The following KIAA1958 variants were observed in gnomAD, a reference collection of about 807,000 sequenced individuals.
The protein encoded by KIAA1958 is uncharacterized protein KIAA1958.
In KIAA1958, 14 loss-of-function variants were observed where a neutral mutation model predicts 47.2. The observed-to-expected ratio is 0.30, with a 90% CI of 0.20 to 0.46. The LOEUF is 0.46. Ranked by LOEUF, KIAA1958 falls within the 20% of genes least tolerant of loss-of-function variation. KIAA1958 has a pLI of 1.00. For missense variants in KIAA1958, 803 were observed against 909.2 expected (o/e 0.88, Z 1.50); for synonymous variants, 354 against 353.3 (o/e 1.00, Z -0.02).
intron 2 of KIAA1958, among the ~76,000 whole-genome samples, chr9:112,616,929 A>AT (rs1236115306): frequency 6.6e-6 from 1 of 152,246 alleles, no homozygotes; most frequent in Non-Finnish European, 1.5e-5. Flanking sequence ...GAACACAGAG[A>AT]TGCTGGTTAA....
At chr9:112,641,512 T>C (rs753827187) in intron 2 of KIAA1958, among the ~76,000 whole-genome samples, 1 of 151,900 alleles carries the variant, frequency 6.6e-6, no homozygotes, top group Non-Finnish European at 1.5e-5. Context: ...TACGTGTATG[T>C]CTTCTTTCAG....
chr9:112,518,226 AAG>A (rs1407560275), intron 1 of KIAA1958, among the ~76,000 whole-genome samples: 1 of 152,250 alleles, frequency 6.6e-6, no homozygotes, highest in African/African-American at 2.4e-5. Context: ...TAATTAAAAA[AAG>A]AAAAAGGAAA....
At chr9:112,493,841 T>C (rs1042363954) in intron 1 of KIAA1958, among the ~76,000 whole-genome samples, 6 of 152,252 alleles carry the variant, frequency 3.9e-5, no homozygotes, top group African/African-American at 1.4e-4. Flanking sequence ...TCTTTAAAAA[T>C]GTTACTCTCT....
chr9:112,596,182 A>G (rs1517078), intron 2 of KIAA1958, among the ~76,000 whole-genome samples: 32,724 of 152,192 alleles, frequency 0.22, 4,063 homozygotes, highest in Middle Eastern at 0.37. Context: ...TTTTTAAAAT[A>G]ACTCAATTAT....
chr9:112,582,053 G>A (rs1026487733), intron 2 of KIAA1958: 8 of 214,334 alleles, frequency 3.7e-5, no homozygotes, highest in Admixed American at 8.9e-5. Flanking sequence ...CCGCTTCAGC[G>A]CTGGGAAGGC....
intron 1 of KIAA1958, among the ~76,000 whole-genome samples, chr9:112,565,982 CA>C (rs1367291868): frequency 1.3e-5 from 2 of 152,226 alleles, no homozygotes; most frequent in African/African-American, 4.8e-5. Flanking sequence ...CAGCTCACTG[CA>C]AGCTCCGCCT....
At chr9:112,579,042 T>A (rs2593682) in intron 2 of KIAA1958, among the ~76,000 whole-genome samples, 145,085 of 151,866 alleles carry the variant, frequency 0.96, 69,381 homozygotes, top group African/African-American at 0.99. Context: ...TTAAAAAAAT[T>A]TATTTATCTT....
At chr9:112,533,580 CA>C (rs57032014) in intron 1 of KIAA1958, among the ~76,000 whole-genome samples, 11 of 125,418 alleles carry the variant, frequency 8.8e-5, no homozygotes, top group Non-Finnish European at 1.6e-4. Flanking sequence ...GACTCCATCC[CA>C]AAAAAAAAAA....
At chr9:112,564,526 A>G (rs1475076004) in intron 1 of KIAA1958, among the ~76,000 whole-genome samples, 1 of 152,188 alleles carries the variant, frequency 6.6e-6, no homozygotes, top group Non-Finnish European at 1.5e-5. Flanking sequence ...TAATTTTGTC[A>G]TCTTTTGAAA....
At chr9:112,509,361 C>T (rs939196965) in intron 1 of KIAA1958, among the ~76,000 whole-genome samples, 7 of 151,988 alleles carry the variant, frequency 4.6e-5, no homozygotes, top group African/African-American at 1.2e-4. Context: ...CCACCATGCC[C>T]GGCTAATTTT....
In KIAA1958 at chr9:112,529,357, C is replaced by T. The variant is rs566393696; in HGVS notation, c.-25+42239C>T. Among the ~76,000 whole-genome samples, 9 of 152,314 alleles carry T rather than the reference C, an allele frequency of 5.9e-5. No homozygotes were observed. The East Asian group carries it at 1.7e-3, about 29-fold the overall frequency. ...ACCGATATTGACACATTATTATTAG[C>T]TGAAGTCCATACTTTATTTGAATTT... On this transcript the variant is annotated intron_variant, in intron 1 of 3. Coordinates refer to ENST00000337530, the MANE Select transcript of KIAA1958 (RefSeq NM_133465.4).
intron 1 of KIAA1958, among the ~76,000 whole-genome samples, chr9:112,490,670 T>A (rs1015710986): frequency 3.3e-5 from 5 of 152,230 alleles, no homozygotes; most frequent in African/African-American, 7.2e-5. Context: ...TTATTTTGTA[T>A]CCAATGCCAA....
At chr9:112,659,019 C>CAAAAAAAAAAAAAAAAAA (rs560013892) in intron 3 of KIAA1958, among the ~76,000 whole-genome samples, 1 of 57,762 alleles carries the variant, frequency 1.7e-5, no homozygotes, top group Non-Finnish European at 3.4e-5. Flanking sequence ...GACTCTGACT[C>CAAAAAAAAAAAAAAAAAA]AAAAAAAAAA....
At chr9:112,608,871 C>G (rs1244603389) in intron 2 of KIAA1958, among the ~76,000 whole-genome samples, 4 of 151,782 alleles carry the variant, frequency 2.6e-5, no homozygotes, top group African/African-American at 9.7e-5. Flanking sequence ...AGAGCCCCTT[C>G]CTCAGAAAAA....
chr9:112,544,994 G>C (rs1835003864), intron 1 of KIAA1958, among the ~76,000 whole-genome samples: 1 of 151,904 alleles, frequency 6.6e-6, no homozygotes, highest in African/African-American at 2.4e-5. Flanking sequence ...GAGTGCCCCA[G>C]CGATCAAAAA....
At chr9:112,535,565 C>G (rs1834840323) in intron 1 of KIAA1958, among the ~76,000 whole-genome samples, 1 of 152,080 alleles carries the variant, frequency 6.6e-6, no homozygotes, top group Non-Finnish European at 1.5e-5. Context: ...GTATCTCTGA[C>G]ATACTGATTT....
At chr9:112,537,380 C>T (rs981154647) in intron 1 of KIAA1958, among the ~76,000 whole-genome samples, 5 of 152,032 alleles carry the variant, frequency 3.3e-5, no homozygotes, top group South Asian at 2.1e-4. Context: ...GGATTACAGG[C>T]GTGAGCCACT....
intron 2 of KIAA1958, among the ~76,000 whole-genome samples, chr9:112,641,434 G>A (rs1293465731): frequency 3.0e-5 from 3 of 101,152 alleles, no homozygotes; most frequent in African/African-American, 3.9e-5. Flanking sequence ...TTTTTTTTCT[G>A]CCTACCAGAA....
intron 1 of KIAA1958, among the ~76,000 whole-genome samples, chr9:112,540,589 A>C (rs1834924235): frequency 6.6e-6 from 1 of 152,208 alleles, no homozygotes; most frequent in Non-Finnish European, 1.5e-5. Flanking sequence ...CATATTTAAA[A>C]ATTTTAGTAA....
Sources: allele counts gnomAD v4.1 joint callset (sites outside exome capture counted in the v4.1 genomes callset), GRCh38; gene constraint gnomAD v4.1.1; transcripts MANE v1.5; gene names NCBI Gene and HGNC (gene_info 2026-07-23, HGNC 2026-07-21).